MEAK7: variants seen among roughly 807,000 people sequenced by gnomAD.
MEAK7 encodes the protein MTOR associated protein MEAK7.
In MEAK7, 68 loss-of-function variants were observed where a neutral mutation model predicts 40.5. The ratio of observed to expected loss-of-function variants is 1.68; its 90% confidence interval spans 1.38 to 2.06. The LOEUF (loss-of-function observed/expected upper bound fraction) is 2.06, where lower values mean the gene tolerates loss of function less well. Among genes scored for constraint, MEAK7 ranks in the 30% most tolerant of loss-of-function variants. MEAK7 has a pLI of 0.00. For synonymous variants in MEAK7, 338 were observed against 231.9 expected (o/e 1.46, Z -4.16); for missense variants, 918 against 580.5 (o/e 1.58, Z -5.98).
In MEAK7 at chr16:84,479,341, C is replaced by T. The variant is rs1199236821; in HGVS notation, c.*572G>A. On this transcript the variant is annotated 3_prime_UTR_variant, in exon 8 of 8. Transcript: ENST00000343629. The stretch of plus-strand genomic sequence containing the variant: ...TGGCCTGAGTGAGGCCATATGAACC[C>T]CAGCGGGAGGAACCCCCTCCTCAAT... The T allele has an allele frequency of 6.6e-6, 1 of 152,248 alleles. No homozygotes were observed. The highest frequency in any genetic ancestry group is 1.9e-4 in the East Asian group (1 of 5,194). The allele number at this position is 152,248 out of a possible 1,614,324, so 9.4% of individuals were successfully genotyped here. A position where few individuals can be genotyped will look rare whatever the true frequency, so the allele number is the denominator to read the frequency against.
At chr16:84,484,488 G>C (rs888038910) in intron 5 of MEAK7, among the ~76,000 whole-genome samples, 2 of 152,150 alleles carry the variant, frequency 1.3e-5, no homozygotes, top group Non-Finnish European at 2.9e-5. Flanking sequence ...TCAATCCAAA[G>C]CCTTGGGCCT....
intron 3 of MEAK7, among the ~76,000 whole-genome samples, chr16:84,493,899 G>C (rs1913831722): frequency 6.6e-6 from 1 of 152,122 alleles, no homozygotes; most frequent in South Asian, 2.1e-4. Flanking sequence ...GTAAGTAAAG[G>C]ATGTCACTTT....
chr16:84,497,480 G>A (rs1914145144), intron 2 of MEAK7: 13 of 1,290,084 alleles, frequency 1.0e-5, no homozygotes, highest in Non-Finnish European at 1.3e-5. Context: ...AGTCCAGGAG[G>A]GCAGACCCAT....
intron 1 of MEAK7, among the ~76,000 whole-genome samples, chr16:84,500,924 C>G (rs1320306182): frequency 6.6e-6 from 1 of 151,956 alleles, no homozygotes; most frequent in African/African-American, 2.4e-5. Flanking sequence ...GAAACCCCAT[C>G]TCTACTAAAA....
intron 5 of MEAK7, among the ~76,000 whole-genome samples, chr16:84,484,214 G>A (rs762655822): frequency 6.6e-6 from 1 of 152,214 alleles, no homozygotes; most frequent in Non-Finnish European, 1.5e-5. Flanking sequence ...AAAGCCAGGA[G>A]GGGGAAGCAT....
At chr16:84,497,252 G>A in intron 2 of MEAK7, 2 of 409,804 alleles carry the variant, frequency 4.9e-6, no homozygotes, top group Non-Finnish European at 8.6e-6. Context: ...CTCCTTGTCA[G>A]TGTCTTGCCT....
intron 1 of MEAK7, among the ~76,000 whole-genome samples, chr16:84,503,683 C>G (rs1914674007): frequency 6.6e-6 from 1 of 152,268 alleles, no homozygotes; most frequent in East Asian, 1.9e-4. Flanking sequence ...CAGAGAATGG[C>G]TCCTTGGGAT....
At chr16:84,485,205 G>A (rs1912927932) in intron 5 of MEAK7, among the ~76,000 whole-genome samples, 2 of 152,178 alleles carry the variant, frequency 1.3e-5, no homozygotes, top group South Asian at 2.1e-4. Context: ...CTCTAGAAAG[G>A]CCCACCTGCA....
At chr16:84,481,562 G>A (rs572731381) in intron 6 of MEAK7, among the ~76,000 whole-genome samples, 1 of 152,314 alleles carries the variant, frequency 6.6e-6, no homozygotes, top group Non-Finnish European at 1.5e-5. Flanking sequence ...GTAAGCCTGG[G>A]AAGGACGCTG....
At chr16:84,490,656 G>GTA (rs1913512847) in intron 3 of MEAK7, among the ~76,000 whole-genome samples, 1 of 122,810 alleles carries the variant, frequency 8.1e-6, no homozygotes, top group South Asian at 2.3e-4. Context: ...TAATCAAGAT[G>GTA]TGTGTGTGTG....
chr16:84,481,561 G>A (rs1332310109), intron 6 of MEAK7, among the ~76,000 whole-genome samples: 2 of 152,188 alleles, frequency 1.3e-5, no homozygotes, highest in African/African-American at 4.8e-5. Context: ...GGTAAGCCTG[G>A]GAAGGACGCT....
chr16:84,488,743 T>C (rs1191616777), intron 4 of MEAK7, among the ~76,000 whole-genome samples: 2 of 152,094 alleles, frequency 1.3e-5, no homozygotes, highest in Non-Finnish European at 2.9e-5. Context: ...TTGAGATCAA[T>C]GAAAATAAAA....
chr16:84,494,958 A>G, intron 3 of MEAK7: 6 of 386,044 alleles, frequency 1.6e-5, no homozygotes, highest in South Asian at 1.2e-4. Flanking sequence ...GCAGACAGCT[A>G]CAGATAAAAG....
rs111396691 is a variant in MEAK7, at chr16:84,489,419, T to C, written c.388A>G (p.Thr130Ala). ...ACCACAGAGCCAACCAGATCCTCTG[T>C]AAACTGTAAGATCACAATTTTACCA... is the stretch of plus-strand genomic sequence containing the variant. ...PVKAREVQKF[T>A]EDLVGSVVHV... is the part of the protein sequence containing the mutation. Residue 130 changes from threonine to alanine, a missense_variant, in exon 4 of 8, where the codon ACA (threonine) becomes GCA (alanine). Coordinates refer to ENST00000343629, the MANE Select transcript of MEAK7 (RefSeq NM_020947.4). 10,013 of 1,609,026 alleles carry C rather than the reference T, an allele frequency of 6.2e-3. 26 individuals carry two copies. Among genetic ancestry groups the C allele is most frequent in the Non-Finnish European group, 7.3e-3 (8,620 of 1,177,184 alleles).
At chr16:84,493,330 G>C (rs1288403348) in intron 3 of MEAK7, among the ~76,000 whole-genome samples, 2 of 152,198 alleles carry the variant, frequency 1.3e-5, no homozygotes, top group African/African-American at 4.8e-5. Context: ...ACTCTGAAGA[G>C]TACTCTTAAA....
rs752436887 is a variant in MEAK7, at chr16:84,480,712, C to T, written c.1078-4G>A. 6.8e-6 allele frequency: 11 copies of T among 1,607,548 alleles called. No individual in the cohort carries two copies. Among genetic ancestry groups the T allele is most frequent in the Non-Finnish European group, 8.5e-6 (10 of 1,176,790 alleles). ...AATTGTGCTGCCCCCCCATACCCTG[C>T]AAAGGAAGCCAGGACAGAGAATAGC... On this transcript the variant is annotated splice_region_variant and splice_polypyrimidine_tract_variant and intron_variant, in intron 6 of 7. Coordinates refer to ENST00000343629, the MANE Select transcript of MEAK7 (RefSeq NM_020947.4).
rs547191682 is a variant in MEAK7 at position 84,481,031 on chromosome 16, G to A, written c.1078-323C>T. Among the ~76,000 whole-genome samples, 25 of 144,474 alleles carry A rather than the reference G, an allele frequency of 1.7e-4. No individual in the cohort carries two copies. The South Asian group carries it at 5.8e-3, about 33-fold the overall frequency. The allele number at this position is 144,474 out of a possible 152,430, so 94.8% of individuals were successfully genotyped here. ...ATATATATAGAGAAAGAGACCTCCA[G>A]GGCCCAGGGCCCCGCCCAGTTAAGA... is the stretch of plus-strand genomic sequence containing the variant. On this transcript the variant is annotated intron_variant, in intron 6 of 7. Coordinates refer to ENST00000343629, the MANE Select transcript of MEAK7 (RefSeq NM_020947.4).
chr16:84,502,928 G>C (rs142697792), intron 1 of MEAK7: 1 of 152,278 alleles, frequency 6.6e-6, no homozygotes, highest in Non-Finnish European at 1.5e-5. Flanking sequence ...TGTTTTGCTT[G>C]ACCAGACTTT....
intron 1 of MEAK7, among the ~76,000 whole-genome samples, chr16:84,503,531 A>G (rs889755052): frequency 1.3e-5 from 2 of 152,174 alleles, no homozygotes; most frequent in Non-Finnish European, 2.9e-5. Flanking sequence ...ACCCATTGCA[A>G]TGGTCTTCAA....
Sources: gnomAD v4.1 joint callset for allele counts (sites outside exome capture counted in the v4.1 genomes callset) on GRCh38, gnomAD v4.1.1 for gene constraint, MANE v1.5 for transcripts, NCBI Gene and HGNC (gene_info 2026-07-23, HGNC 2026-07-21) for gene names.